Variants in MGAT4C observed in about 807,000 individuals in gnomAD.
The protein encoded by MGAT4C is alpha-1,3-mannosyl-glycoprotein 4-beta-N-acetylglucosaminyltransferase C.
Under a neutral mutation model 40.1 loss-of-function variants are expected in MGAT4C, and 19 were observed. The observed-to-expected ratio is 0.47, with a 90% CI of 0.33 to 0.70. The LOEUF is 0.70. MGAT4C is among the 30% of genes least tolerant of loss of function. The pLI is 0.02. For missense variants in MGAT4C, 491 were observed against 563.2 expected (o/e 0.87, Z 1.30); for synonymous variants, 181 against 187.1 (o/e 0.97, Z 0.27).
chr12:86,598,557 T>C (rs1035267023), intron 2 of MGAT4C, among the ~76,000 whole-genome samples: 2 of 152,110 alleles, frequency 1.3e-5, no homozygotes, highest in African/African-American at 4.8e-5. Flanking sequence ...TTTCTAATTG[T>C]GTTGATAAAA....
chr12:85,987,432 C>T (rs1003067363), intron 3 of MGAT4C, among the ~76,000 whole-genome samples: 14 of 151,964 alleles, frequency 9.2e-5, no homozygotes, highest in South Asian at 2.1e-4. Context: ...CCACCGCGCC[C>T]GGCCAATAAT....
intron 1 of MGAT4C, among the ~76,000 whole-genome samples, chr12:86,827,969 T>C (rs1952840386): frequency 6.6e-6 from 1 of 151,360 alleles, no homozygotes; most frequent in Non-Finnish European, 1.5e-5. Flanking sequence ...TAGCCTCAGA[T>C]GTCTACATGA....
At chr12:86,547,982 C>T (rs183055632) in intron 2 of MGAT4C, among the ~76,000 whole-genome samples, 1 of 152,226 alleles carries the variant, frequency 6.6e-6, no homozygotes, top group Admixed American at 6.5e-5. Flanking sequence ...AATGTATTCC[C>T]ATTAGGTTAT....
chr12:86,555,659 T>G (rs1039376290), intron 2 of MGAT4C, among the ~76,000 whole-genome samples: 2 of 152,138 alleles, frequency 1.3e-5, no homozygotes, highest in Admixed American at 6.5e-5. Flanking sequence ...AAGAACCTGC[T>G]CTCCATTATC....
chr12:86,811,398 A>G (rs1275839752), intron 1 of MGAT4C, among the ~76,000 whole-genome samples: 1 of 133,392 alleles, frequency 7.5e-6, no homozygotes, highest in Non-Finnish European at 1.5e-5. Flanking sequence ...GCTGGAGTGT[A>G]GTGGCACGAT....
intron 2 of MGAT4C, among the ~76,000 whole-genome samples, chr12:86,509,845 T>C (rs1394248024): frequency 1.3e-5 from 2 of 152,184 alleles, no homozygotes; most frequent in African/African-American, 2.4e-5. Context: ...AGTTCATTCA[T>C]GATTTAGCTC....
chr12:86,026,727 T>G (rs931046299), intron 2 of MGAT4C, among the ~76,000 whole-genome samples: 1 of 151,944 alleles, frequency 6.6e-6, no homozygotes, highest in Non-Finnish European at 1.5e-5. Context: ...AGTAGTTCAG[T>G]GTTTATTTTC....
chr12:86,047,128 C>A (rs745316726), intron 2 of MGAT4C, among the ~76,000 whole-genome samples: 1 of 152,072 alleles, frequency 6.6e-6, no homozygotes, highest in Non-Finnish European at 1.5e-5. Flanking sequence ...AACTGATATT[C>A]TGAAAGCAAA....
At chr12:86,492,856 A>G (rs1292382161) in intron 2 of MGAT4C, among the ~76,000 whole-genome samples, 2 of 152,194 alleles carry the variant, frequency 1.3e-5, no homozygotes, top group Non-Finnish European at 2.9e-5. Flanking sequence ...CAGAGTGAAC[A>G]GGCAACCTAC....
intron 1 of MGAT4C, among the ~76,000 whole-genome samples, chr12:86,222,976 T>G (rs1201425143): frequency 6.6e-6 from 1 of 152,160 alleles, no homozygotes; most frequent in Non-Finnish European, 1.5e-5. Context: ...CCTCGACTTC[T>G]GTGGGCTTCA....
At chr12:86,721,609 C>T (rs975615497) in intron 2 of MGAT4C, among the ~76,000 whole-genome samples, 9 of 152,088 alleles carry the variant, frequency 5.9e-5, no homozygotes, top group Non-Finnish European at 1.3e-4. Flanking sequence ...ATTTATCTGC[C>T]TTACATTACA....
chr12:85,977,234 C>G lies in MGAT4C; in HGVS notation c.*2055G>C, dbSNP rs1475684956. 1 of 151,310 alleles carries G rather than the reference C, an allele frequency of 6.6e-6. No homozygotes were observed. Among genetic ancestry groups the G allele is most frequent in the Non-Finnish European group, 1.5e-5 (1 of 67,468 alleles). The allele number at this position is 151,310 out of a possible 1,614,324, so 9.4% of individuals were successfully genotyped here. On this transcript the variant is annotated 3_prime_UTR_variant, in exon 5 of 5. Coordinates refer to ENST00000611864, the MANE Select transcript of MGAT4C (RefSeq NM_001351288.2). ...ATATGTAAGGGGTTACAACTCATTT[C>G]AGGGAGTCTGCCTAGCTCTTGATAT... is the stretch of plus-strand genomic sequence containing the variant.
At chr12:86,123,734 G>A (rs1879816879) in intron 1 of MGAT4C, among the ~76,000 whole-genome samples, 1 of 151,876 alleles carries the variant, frequency 6.6e-6, no homozygotes, top group Non-Finnish European at 1.5e-5. Flanking sequence ...TGGCATCCTT[G>A]GTTCAGTTTT....
At chr12:86,139,865 A>G (rs1449865769) in intron 1 of MGAT4C, among the ~76,000 whole-genome samples, 3 of 152,198 alleles carry the variant, frequency 2.0e-5, no homozygotes, top group Admixed American at 6.6e-5. Flanking sequence ...CTGCATTTGC[A>G]TTAAGAGTCA....
chr12:86,464,425 G>A (rs1174864669), intron 2 of MGAT4C, among the ~76,000 whole-genome samples: 1 of 152,140 alleles, frequency 6.6e-6, no homozygotes, highest in Non-Finnish European at 1.5e-5. Context: ...GGATATGGAA[G>A]TCATGATCAT....
chr12:86,108,552 T>C (rs917704939), intron 1 of MGAT4C, among the ~76,000 whole-genome samples: 1 of 152,144 alleles, frequency 6.6e-6, no homozygotes. Context: ...GACAAGAAAC[T>C]GATTTTGGTA....
intron 3 of MGAT4C, among the ~76,000 whole-genome samples, chr12:86,399,216 T>G (rs1956312228): frequency 6.6e-6 from 1 of 152,146 alleles, no homozygotes; most frequent in African/African-American, 2.4e-5. Context: ...GTGGTCTGCC[T>G]GCCTTGGCCT....
At chr12:85,981,534 A>G (rs1164241574) in intron 4 of MGAT4C, among the ~76,000 whole-genome samples, 1 of 152,206 alleles carries the variant, frequency 6.6e-6, no homozygotes, top group Non-Finnish European at 1.5e-5. Context: ...ATTGAAACAC[A>G]ATATGTTATC....
intron 1 of MGAT4C, among the ~76,000 whole-genome samples, chr12:86,824,753 A>AAAG (rs1952772627): frequency 7.0e-6 from 1 of 143,376 alleles, no homozygotes; most frequent in Non-Finnish European, 1.5e-5. Context: ...AAAAAAAAAA[A>AAAG]AGAGAGAGAG....
Sources: gnomAD v4.1 joint callset for allele counts (sites outside exome capture counted in the v4.1 genomes callset) on GRCh38, gnomAD v4.1.1 for gene constraint, MANE v1.5 for transcripts, NCBI Gene and HGNC (gene_info 2026-07-23, HGNC 2026-07-21) for gene names.